ADGRD2: variants seen among roughly 807,000 people sequenced by gnomAD.
The protein encoded by ADGRD2 is adhesion G protein-coupled receptor D2.
A neutral mutation model predicts 44.4 loss-of-function variants in ADGRD2; 71 were observed. The ratio of observed to expected loss-of-function variants is 1.60; its 90% CI spans 1.32 to 1.95. The LOEUF (loss-of-function observed/expected upper bound fraction) is 1.95, where lower values mean the gene tolerates loss of function less well. ADGRD2 is among the 30% of genes most tolerant of loss of function. The probability of loss-of-function intolerance (pLI) is 0.00; values close to 1 mark genes in which losing one functional copy is unlikely to be tolerated. For synonymous variants in ADGRD2, 481 were observed against 224.8 expected, an observed-to-expected ratio of 2.14 and a Z score of -10.19; for missense variants, 1,039 against 512.4, an observed-to-expected ratio of 2.03 and a Z score of -9.92.
At chr9:124,458,713 C>G (rs747013058) in exon 10 of ADGRD2, 90 of 718,410 alleles carry the variant, frequency 1.3e-4, no homozygotes, top group Admixed American at 4.6e-4. Flanking sequence ...TCTCCAGCAC[C>G]GGGCCCAGGT....
rs1020460022 is a variant in ADGRD2, at chr9:124,467,718, C to A, written c.2027-3C>A. On this transcript the variant is annotated splice_polypyrimidine_tract_variant and splice_region_variant and intron_variant, in intron 11 of 21. Coordinates refer to ENST00000334810, the Ensembl canonical transcript of ADGRD2. Reference sequence around the variant, plus strand: ...AGGGGGGTTTCTCTGTCCCTCCACACAGAGAGGCCCTGAGGAGGAGTCGCT... The same window carrying A: ...AGGGGGGTTTCTCTGTCCCTCCACAAAGAGAGGCCCTGAGGAGGAGTCGCT... 1 of 718,304 alleles carries A rather than the reference C, an allele frequency of 1.4e-6. No individual in the cohort carries two copies. Among genetic ancestry groups the A allele is most frequent in the Non-Finnish European group, 2.6e-6 (1 of 385,082 alleles). 44.5% of individuals were successfully genotyped at this position (718,304 alleles called of 1,614,324 possible).
At chr9:124,458,307 CTGG>C (rs1831656302) in intron 9 of ADGRD2, 71 bp downstream of exon 12, 3 of 702,410 alleles carry the variant, frequency 4.3e-6, no homozygotes, top group Non-Finnish European at 5.3e-6. Flanking sequence ...AGCCCCCGTT[CTGG>C]TGGGCGCATG....
chr9:124,467,840 C>T lies in ADGRD2; in HGVS notation c.2130+16C>T. On this transcript the variant is annotated intron_variant, in intron 12 of 21. Coordinates refer to ENST00000334810, the Ensembl canonical transcript of ADGRD2. ...TGGTGGCCGGGTGAGGAGAGTTCAC[C>T]ACTGTAGCCTGGTGGCCTGGGCCCT... The T allele has an allele frequency of 1.4e-6, 1 of 718,270 alleles. No homozygotes were observed. Among genetic ancestry groups the T allele is most frequent in the Non-Finnish European group, 2.6e-6 (1 of 385,050 alleles). 44.5% of individuals were successfully genotyped at this position (718,270 alleles called of 1,614,324 possible).
At chr9:124,464,186 A>G (rs1264175999) in intron 10 of ADGRD2, among the ~76,000 whole-genome samples, 1 of 152,078 alleles carries the variant, frequency 6.6e-6, no homozygotes, top group Non-Finnish European at 1.5e-5. Context: ...TTTAAAATAC[A>G]TTAAAATAAA....
intron 17 of ADGRD2, among the ~76,000 whole-genome samples, chr9:124,472,324 T>C (rs1831960024): frequency 6.6e-6 from 1 of 152,054 alleles, no homozygotes; most frequent in Non-Finnish European, 1.5e-5. Flanking sequence ...TGTGCCCTTC[T>C]CACCCTCTGG....
At chr9:124,466,151 G>T (rs1175118692) in intron 10 of ADGRD2, 107 bp from the exon 14 acceptor site, 1 of 472,996 alleles carries the variant, frequency 2.1e-6, no homozygotes, top group East Asian at 3.3e-5. Context: ...ACTCGCCAAG[G>T]TCACCTAGCT....
Position 124,454,723 on chromosome 9 carries a change from C to A in ADGRD2, c.1109-120C>A. The A allele has an allele frequency of 1.6e-6, 1 of 616,428 alleles. No individual in the cohort carries two copies. Among genetic ancestry groups the A allele is most frequent in the Non-Finnish European group, 2.9e-6 (1 of 340,338 alleles). The allele number at this position is 616,428 out of a possible 1,614,324, so 38.2% of individuals were successfully genotyped here. On this transcript the variant is annotated intron_variant, in intron 5 of 21. Transcript: ENST00000334810. This position sits in a 1 kb window ranked among gnomAD's most constrained non-coding sequence, Gnocchi z 4.5. ...CTATTCTGTAGCCCCTGAGAGTTGGCGGCTTGTGACAAGTTTAATGGGTGC... is the reference window on the plus strand; with the variant it reads ...CTATTCTGTAGCCCCTGAGAGTTGGAGGCTTGTGACAAGTTTAATGGGTGC...
chr9:124,457,339 G>A (rs1275476232), intron 7 of ADGRD2, 133 bp from the exon 11 acceptor site: 7 of 440,148 alleles, frequency 1.6e-5, no homozygotes. Context: ...GCAAGTTGCT[G>A]AACCTCTCTG....
Position 124,454,141 on chromosome 9 carries a change from G to A in ADGRD2, c.1022+44G>A, listed in dbSNP as rs1026676817. On this transcript the variant is annotated intron_variant, in intron 4 of 21. Coordinates refer to ENST00000334810, the Ensembl canonical transcript of ADGRD2. The surrounding 1 kb of genome is among the most constrained non-coding windows in gnomAD (Gnocchi z 4.5). ...CCTGGGCTCTGCTGAAGGGAAAGCC[G>A]GTGTGGACCGGAGTAGACTGAGAGG... 5 of 641,222 alleles carry A rather than the reference G, an allele frequency of 7.8e-6. No homozygotes were observed. Among genetic ancestry groups the A allele is most frequent in the Admixed American group, 2.7e-5 (1 of 37,206 alleles). The allele number at this position is 641,222 out of a possible 1,614,324, so 39.7% of individuals were successfully genotyped here.
intron 17 of ADGRD2, among the ~76,000 whole-genome samples, chr9:124,474,500 G>A (rs1832009295): frequency 6.6e-6 from 1 of 152,134 alleles, no homozygotes; most frequent in African/African-American, 2.4e-5. Context: ...GGTCTGTCTT[G>A]GAGAATGGGG....
intron 2 of ADGRD2, 82 bp from the exon 6 acceptor site, chr9:124,452,953 C>T (rs1831519158): frequency 3.3e-6 from 2 of 605,682 alleles, no homozygotes; most frequent in Non-Finnish European, 5.9e-6. Context: ...CCTGGAAGGA[C>T]CCCACCGCTG....
intron 3 of ADGRD2, 21 bp downstream of exon 6, chr9:124,453,697 G>GCCCCCCCACAAC: frequency 1.9e-6 from 1 of 526,290 alleles, no homozygotes; most frequent in Admixed American, 2.5e-5. Flanking sequence ...CCCCGCCCCG[G>GCCCCCCCACAAC]CCCCACCCCA....
chr9:124,467,625 G>A, intron 11 of ADGRD2, 96 bp from the exon 15 acceptor site: 2 of 679,116 alleles, frequency 2.9e-6, no homozygotes, highest in Non-Finnish European at 5.4e-6. Flanking sequence ...GGAGGCGAAT[G>A]CGGCGTGGGG....
chr9:124,466,259 G>GC lies in ADGRD2; in HGVS notation c.1877dup (p.Leu627ProfsTer48), dbSNP rs778158455. 4.9e-5 allele frequency: 31 copies of GC among 632,664 alleles called. No individual in the cohort carries two copies. In the South Asian group the frequency reaches 5.3e-4, roughly 11 times the overall value. 39.2% of individuals were successfully genotyped at this position (632,664 alleles called of 1,614,324 possible). On this transcript the variant is annotated frameshift_variant and splice_region_variant, in exon 11 of 22. Transcript: ENST00000334810. LOFTEE classifies it high-confidence loss of function. Reference sequence around the variant, plus strand: ...CCCCCTTGTCCACCTTATCTCAAGAGCCCCCTGTTCCCTCCCCATCCCCCA... The same window carrying GC: ...CCCCCTTGTCCACCTTATCTCAAGAGCCCCCCTGTTCCCTCCCCATCCCCCA...
At chr9:124,453,469 C>G (rs760577316) in exon 3 of ADGRD2, 2 of 702,684 alleles carry the variant, frequency 2.8e-6, no homozygotes, top group South Asian at 3.0e-5. Context: ...TCAGGACTCT[C>G]TGGGCGGTGG....
intron 11 of ADGRD2, 136 bp from the exon 15 acceptor site, chr9:124,467,585 C>T: frequency 1.6e-6 from 1 of 636,966 alleles, no homozygotes; most frequent in South Asian, 1.8e-5. Flanking sequence ...TGTGTGCAGG[C>T]CTGGGTCCTG....
At chr9:124,476,375 C>G (rs1403858261) in exon 20 of ADGRD2, 1 of 701,940 alleles carries the variant, frequency 1.4e-6, no homozygotes, top group Non-Finnish European at 2.6e-6. Context: ...GGCCCTAGAA[C>G]TCCCTCAGCA....
chr9:124,475,748 G>T, intron 19 of ADGRD2, 133 bp downstream of exon 22: 1 of 554,148 alleles, frequency 1.8e-6, no homozygotes, highest in Non-Finnish European at 3.2e-6. Context: ...CCAGGCCCCT[G>T]GGAGGCAGCC....
chr9:124,451,560 G>T, upstream of ADGRD2: 2 of 293,612 alleles, frequency 6.8e-6, no homozygotes, highest in Non-Finnish European at 1.3e-5. Context: ...GTCCAAGGGC[G>T]AAGCAAGGCA....
Sources: gnomAD v4.1 joint callset for allele counts (sites outside exome capture counted in the v4.1 genomes callset) on GRCh38, gnomAD v4.1.1 for gene constraint, Gnocchi (gnomAD v3.1) non-coding constraint, MANE v1.5 for transcripts, NCBI Gene and HGNC (gene_info 2026-07-23, HGNC 2026-07-21) for gene names.